The following TRPM3 variants were observed in gnomAD, a reference collection of about 807,000 sequenced individuals.
The protein encoded by TRPM3 is transient receptor potential cation channel subfamily M member 3.
A neutral mutation model predicts 181.2 loss-of-function variants in TRPM3; 77 were observed. The ratio of observed to expected loss-of-function variants is 0.42; its 90% CI spans 0.35 to 0.51. TRPM3 has a LOEUF of 0.51. Ranked by LOEUF, TRPM3 falls within the 20% of genes least tolerant of loss-of-function variation. The pLI, the probability that TRPM3 is intolerant of heterozygous loss-of-function variation, is 0.01. For synonymous variants in TRPM3, 745 were observed against 796.4 expected, an observed-to-expected ratio of 0.94 and a Z score of 1.09; for missense variants, 1,759 against 2,196.7, an observed-to-expected ratio of 0.80 and a Z score of 3.98.
At chr9:71,031,660 C>G (rs1229799047) in intron 1 of TRPM3, among the ~76,000 whole-genome samples, 2 of 151,680 alleles carry the variant, frequency 1.3e-5, no homozygotes, top group Non-Finnish European at 2.9e-5. Flanking sequence ...CAGAATTTCC[C>G]ACTTCTGAGA....
chr9:71,332,092 C>G (rs2090232751), intron 1 of TRPM3, among the ~76,000 whole-genome samples: 1 of 151,178 alleles, frequency 6.6e-6, no homozygotes, highest in South Asian at 2.1e-4. Flanking sequence ...ATTGAACACA[C>G]TGGTCAAATA....
intron 1 of TRPM3, among the ~76,000 whole-genome samples, chr9:71,112,608 T>C (rs563738807): frequency 9.8e-5 from 15 of 152,294 alleles, no homozygotes; most frequent in Admixed American, 9.2e-4. Flanking sequence ...AATATTTACC[T>C]ATTCAGATAT....
chr9:71,285,599 C>T (rs2085216106), intron 1 of TRPM3, among the ~76,000 whole-genome samples: 1 of 152,148 alleles, frequency 6.6e-6, no homozygotes, highest in South Asian at 2.1e-4. Flanking sequence ...GAATAAAAGG[C>T]CATTTCATCT....
At chr9:71,216,928 T>C (rs926416738) in intron 1 of TRPM3, among the ~76,000 whole-genome samples, 1 of 144,218 alleles carries the variant, frequency 6.9e-6, no homozygotes, top group Non-Finnish European at 1.5e-5. Context: ...GCATAGTCAG[T>C]GGCCCTTTCT....
chr9:70,804,218 T>A (rs564753164), intron 6 of TRPM3, among the ~76,000 whole-genome samples: 96 of 152,120 alleles, frequency 6.3e-4, no homozygotes, highest in Non-Finnish European at 1.3e-3. Flanking sequence ...TAACCCCAGC[T>A]ACTTGGGAGG....
At chr9:71,142,879 G>A (rs904508274) in intron 1 of TRPM3, among the ~76,000 whole-genome samples, 2 of 151,818 alleles carry the variant, frequency 1.3e-5, no homozygotes, top group South Asian at 4.2e-4. Context: ...CCAAGGCAGC[G>A]AGGCAGGAGA....
At chr9:70,671,929 A>ATTT (rs756835607) in intron 9 of TRPM3, among the ~76,000 whole-genome samples, 3 of 98,524 alleles carry the variant, frequency 3.0e-5, no homozygotes, top group African/African-American at 1.7e-4. Flanking sequence ...ATGTCCAGCT[A>ATTT]ATTTTTTTTT....
At chr9:71,220,771 A>G (rs1161853173) in intron 1 of TRPM3, among the ~76,000 whole-genome samples, 2 of 152,162 alleles carry the variant, frequency 1.3e-5, no homozygotes, top group Non-Finnish European at 2.9e-5. Flanking sequence ...TACAAAGTCT[A>G]CACACGAAAA....
chr9:70,980,064 C>T (rs887964501), intron 1 of TRPM3, among the ~76,000 whole-genome samples: 14 of 138,624 alleles, frequency 1.0e-4, no homozygotes, highest in Admixed American at 3.0e-4. Context: ...CATGCATGTG[C>T]GTGCACACAC....
chr9:71,353,025 T>A (rs1041732193), intron 1 of TRPM3, among the ~76,000 whole-genome samples: 1 of 152,032 alleles, frequency 6.6e-6, no homozygotes, highest in African/African-American at 2.4e-5. Flanking sequence ...CAAATCAGAA[T>A]CGCAACTGAT....
At chr9:70,942,474 A>G (rs951049640) in intron 1 of TRPM3, among the ~76,000 whole-genome samples, 3 of 152,210 alleles carry the variant, frequency 2.0e-5, no homozygotes, top group African/African-American at 7.2e-5. Context: ...ACATTGCACA[A>G]GTTATTTACA....
chr9:70,676,896 A>G (rs1158380675), intron 9 of TRPM3, among the ~76,000 whole-genome samples: 1 of 151,710 alleles, frequency 6.6e-6, no homozygotes, highest in East Asian at 1.9e-4. Flanking sequence ...AGAGACCAGA[A>G]CCCCATTTTC....
chr9:70,855,821 TG>T (rs1191231637), intron 3 of TRPM3, among the ~76,000 whole-genome samples: 2 of 152,186 alleles, frequency 1.3e-5, no homozygotes, highest in Non-Finnish European at 2.9e-5. Context: ...TCCAAGTCCA[TG>T]GGGCCTTGTG....
intron 1 of TRPM3, among the ~76,000 whole-genome samples, chr9:71,167,455 A>T (rs1478673262): frequency 6.6e-6 from 1 of 152,210 alleles, no homozygotes; most frequent in Non-Finnish European, 1.5e-5. Context: ...ACAACCAATC[A>T]AACAACAACA....
intron 5 of TRPM3, among the ~76,000 whole-genome samples, chr9:70,833,192 T>C (rs1311335205): frequency 1.3e-5 from 2 of 152,204 alleles, no homozygotes; most frequent in Non-Finnish European, 2.9e-5. Context: ...AGTAGTTCTT[T>C]CATGTCCTGT....
intron 1 of TRPM3, among the ~76,000 whole-genome samples, chr9:71,133,842 CACAG>C (rs1237098809): frequency 2.0e-5 from 3 of 152,132 alleles, no homozygotes; most frequent in Admixed American, 1.3e-4. Context: ...CCAATCTAAG[CACAG>C]ACAAACACTT....
At chr9:71,001,521 G>A (rs142103325) in intron 1 of TRPM3, among the ~76,000 whole-genome samples, 123 of 152,274 alleles carry the variant, frequency 8.1e-4, no homozygotes, top group African/African-American at 2.9e-3. Flanking sequence ...GCACAAGCTT[G>A]CTGAATTACC....
chr9:70,842,764 G>C lies in TRPM3; in HGVS notation c.801+239C>G, dbSNP rs569776534. ...ACCACTGCTTGATTTAAGCAGAGAG[G>C]GGGTAGGTGGTAAGTCTTACTTTGG... On this transcript the variant is annotated intron_variant, in intron 5 of 25. Transcript: ENST00000677713. Among the ~76,000 whole-genome samples, 47 of 152,160 alleles carry C rather than the reference G, an allele frequency of 3.1e-4. No individual in the cohort carries two copies. The South Asian group carries it at 6.2e-3, about 20-fold the overall frequency.
chr9:70,814,098 T>C (rs550203669), intron 6 of TRPM3, among the ~76,000 whole-genome samples: 136 of 152,350 alleles, frequency 8.9e-4, no homozygotes, highest in African/African-American at 3.2e-3. Context: ...CAATTTATTT[T>C]AAATAACAGA....
Sources: gnomAD v4.1 joint callset for allele counts (sites outside exome capture counted in the v4.1 genomes callset) on GRCh38, gnomAD v4.1.1 for gene constraint, MANE v1.5 for transcripts, NCBI Gene and HGNC (gene_info 2026-07-23, HGNC 2026-07-21) for gene names.